The following YAE1 variants were observed in gnomAD, a reference collection of about 807,000 sequenced individuals.
The protein encoded by YAE1 is protein YAE1 homolog.
In YAE1, 22 loss-of-function variants were observed where a neutral mutation model predicts 23.0. The ratio of observed to expected loss-of-function variants is 0.96; its 90% confidence interval spans 0.68 to 1.37. The LOEUF (loss-of-function observed/expected upper bound fraction) is 1.37, where lower values mean the gene tolerates loss of function less well. YAE1 is among the 40% of genes most tolerant of loss of function. The pLI, the probability that YAE1 is intolerant of heterozygous loss-of-function variation, is 0.00. For missense variants in YAE1, 260 were observed against 262.1 expected (o/e 0.99, Z 0.06); for synonymous variants, 101 against 97.0 (o/e 1.04, Z -0.24).
At chr7:39,580,349 T>A (rs1790722231) in intron 2 of YAE1, among the ~76,000 whole-genome samples, 1 of 152,360 alleles carries the variant, frequency 6.6e-6, no homozygotes, top group South Asian at 2.1e-4. Context: ...ATGTGCATAC[T>A]GCTGCAGATC....
At chr7:39,605,166 T>C (rs1039753361) in intron 2 of YAE1, among the ~76,000 whole-genome samples, 1 of 152,224 alleles carries the variant, frequency 6.6e-6, no homozygotes, top group African/African-American at 2.4e-5. Context: ...GAGAGATTCT[T>C]GCTTTGGGTG....
chr7:39,570,188 G>T, intron 1 of YAE1: 1 of 679,866 alleles, frequency 1.5e-6, no homozygotes. Flanking sequence ...AAGACTCCTG[G>T]AGGGTGCCAT....
intron 2 of YAE1, among the ~76,000 whole-genome samples, chr7:39,582,590 G>A (rs1790761801): frequency 1.3e-5 from 2 of 152,162 alleles, no homozygotes; most frequent in African/African-American, 4.8e-5. Context: ...CTGTCACAAT[G>A]TTCACTTATG....
downstream of YAE1, among the ~76,000 whole-genome samples, chr7:39,575,537 GGAGAGA>G (rs56954676): frequency 0.028 from 3,709 of 131,222 alleles, 42 homozygotes; most frequent in Non-Finnish European, 0.034. Flanking sequence ...CTAAGATACA[GGAGAGA>G]GAGAGAGAGA....
At chr7:39,587,003 C>CT (rs1554292181) in intron 2 of YAE1, among the ~76,000 whole-genome samples, 2 of 149,126 alleles carry the variant, frequency 1.3e-5, no homozygotes, top group South Asian at 2.2e-4. Context: ...TGGAAAGAGT[C>CT]TTTCTTTTCT....
In YAE1 at chr7:39,569,547, G is replaced by A. The variant is rs532354679; in HGVS notation, c.130-959G>A. 3 of 509,292 alleles carry A rather than the reference G, an allele frequency of 5.9e-6. No individual in the cohort carries two copies. The East Asian group carries it at 1.4e-4, about 24-fold the overall frequency. The allele number at this position is 509,292 out of a possible 1,614,324, so 31.5% of individuals were successfully genotyped here. A position where few individuals can be genotyped will look rare whatever the true frequency, so the allele number is the denominator to read the frequency against. ...AGCAGATTCTGATAATTTTTTTGAAGGGTATGGCTGTGGTGTGTGCCTTTC... is the reference window on the plus strand; with the variant it reads ...AGCAGATTCTGATAATTTTTTTGAAAGGTATGGCTGTGGTGTGTGCCTTTC... On this transcript the variant is annotated intron_variant, in intron 1 of 2. Coordinates refer to ENST00000223273, the MANE Select transcript of YAE1 (RefSeq NM_020192.5).
At chr7:39,580,837 C>T (rs189873431) in intron 2 of YAE1, among the ~76,000 whole-genome samples, 24 of 152,192 alleles carry the variant, frequency 1.6e-4, no homozygotes, top group Admixed American at 1.2e-3. Context: ...TTTTCTAAAT[C>T]AAAATAACTG....
chr7:39,589,316 T>C (rs934608374), intron 2 of YAE1, among the ~76,000 whole-genome samples: 6 of 152,194 alleles, frequency 3.9e-5, no homozygotes, highest in African/African-American at 1.4e-4. Flanking sequence ...GAATATGAAC[T>C]CTAAAGTTAA....
At chr7:39,599,417 C>A (rs894854552) in intron 2 of YAE1, among the ~76,000 whole-genome samples, 1 of 151,608 alleles carries the variant, frequency 6.6e-6, no homozygotes, top group African/African-American at 2.4e-5. Flanking sequence ...GCTCTGTTGC[C>A]CAGGCTGGAA....
At chr7:39,591,787 A>G (rs1030396728) in intron 2 of YAE1, among the ~76,000 whole-genome samples, 7 of 152,322 alleles carry the variant, frequency 4.6e-5, no homozygotes, top group African/African-American at 9.6e-5. Flanking sequence ...ATAGTATCAC[A>G]CAGAGTATTT....
chr7:39,605,002 G>A lies in YAE1; in HGVS notation c.252-4615G>A, dbSNP rs186520061. Among the ~76,000 whole-genome samples the A allele has an allele frequency of 1.4e-3, 209 of 152,322 alleles. 1 individual carries two copies. Among genetic ancestry groups the A allele is most frequent in the Middle Eastern group, 3.4e-3 (1 of 294 alleles). ...TCCAAAGGTTAGAAGAAGAACAAATGTCTGGAAATTACAGTGAGATATTCT... is the reference window on the plus strand; with the variant it reads ...TCCAAAGGTTAGAAGAAGAACAAATATCTGGAAATTACAGTGAGATATTCT... On this transcript the variant is annotated intron_variant, in intron 2 of 2. Coordinates refer to the YAE1 transcript ENST00000432096.
chr7:39,594,670 G>T (rs1404874947), intron 2 of YAE1, among the ~76,000 whole-genome samples: 1 of 151,496 alleles, frequency 6.6e-6, no homozygotes. Flanking sequence ...GCGTGACCTT[G>T]GTTCACTGAA....
intron 2 of YAE1, among the ~76,000 whole-genome samples, chr7:39,579,896 T>TAGCC (rs1009500466): frequency 6.6e-6 from 1 of 151,530 alleles, no homozygotes; most frequent in African/African-American, 2.4e-5. Flanking sequence ...AAAATAATAA[T>TAGCC]AGCCAGGCAT....
At position 39,579,759 on chromosome 7, in the gene YAE1, G is replaced by A. The variant is rs955227182; in HGVS notation, c.251+9132G>A. On this transcript the variant is annotated intron_variant, in intron 2 of 2. Transcript: ENST00000432096. ...TATTTTAAAAATGTATGTAATAGCCGAGCTACGTGTCTATAGCTCACACCT... is the reference window on the plus strand; with the variant it reads ...TATTTTAAAAATGTATGTAATAGCCAAGCTACGTGTCTATAGCTCACACCT... Among the ~76,000 whole-genome samples, 12 of 151,840 alleles carry A rather than the reference G, an allele frequency of 7.9e-5. No homozygotes were observed. In the South Asian group the frequency reaches 1.9e-3, roughly 24 times the overall value.
At chr7:39,587,020 T>TTCTTTTCTTTC (rs144211272) in intron 2 of YAE1, among the ~76,000 whole-genome samples, 48,649 of 149,760 alleles carry the variant, frequency 0.32, 8,316 homozygotes, top group Middle Eastern at 0.41. Flanking sequence ...TTCTTTTCTT[T>TTCTTTTCTTTC]TCTTTCTCTT....
In YAE1 at chr7:39,570,592, C is replaced by G. The variant is rs370264664; in HGVS notation, c.216C>G (p.Val72=). ...FNQGYKKGAE[V]ILNYGRLRGT... is the part of the protein sequence containing the mutation. ...AAGGTTATAAGAAAGGTGCAGAAGTCATTTTAAACTATGGACGACTCCGAG... is the reference window on the plus strand; with the variant it reads ...AAGGTTATAAGAAAGGTGCAGAAGTGATTTTAAACTATGGACGACTCCGAG... Residue 72 remains valine (V), a synonymous_variant, in exon 2 of 3, where the codon GTC becomes GTG. Transcript: ENST00000223273. 1.9e-6 allele frequency: 3 copies of G among 1,604,882 alleles called. No homozygotes were observed. Among genetic ancestry groups the G allele is most frequent in the Non-Finnish European group, 2.5e-6 (3 of 1,178,072 alleles).
downstream of YAE1, among the ~76,000 whole-genome samples, chr7:39,575,401 T>G (rs1348292628): frequency 6.6e-6 from 1 of 152,058 alleles, no homozygotes; most frequent in Admixed American, 6.5e-5. Context: ...CTAATATATA[T>G]CCTTTACACT....
In YAE1 at chr7:39,572,764, C is replaced by G. The variant is rs1173150511; in HGVS notation, c.*58C>G. On this transcript the variant is annotated 3_prime_UTR_variant, in exon 3 of 3. Transcript: ENST00000223273. ...TCAGAACATTTGGTTTCCTAACAAT[C>G]GAAATTTGTACTGGTTTCTGCATCA... 1 of 1,512,642 alleles carries G rather than the reference C, an allele frequency of 6.6e-7. No homozygotes were observed. The highest frequency in any genetic ancestry group is 8.8e-7 in the Non-Finnish European group (1 of 1,136,002). The allele number at this position is 1,512,642 out of a possible 1,614,324, so 93.7% of individuals were successfully genotyped here.
intron 2 of YAE1, among the ~76,000 whole-genome samples, chr7:39,595,644 G>A (rs1001816079): frequency 3.9e-5 from 6 of 152,182 alleles, no homozygotes; most frequent in Non-Finnish European, 5.9e-5. Flanking sequence ...AAAGAGCTCT[G>A]TAAACAACTC....
Sources: allele counts gnomAD v4.1 joint callset (sites outside exome capture counted in the v4.1 genomes callset), GRCh38; gene constraint gnomAD v4.1.1; transcripts MANE v1.5; gene names NCBI Gene and HGNC (gene_info 2026-07-23, HGNC 2026-07-21).